HDX: variants seen among roughly 807,000 people sequenced by gnomAD.
The protein encoded by HDX is highly divergent homeobox.
A neutral mutation model predicts 45.2 loss-of-function variants in HDX; 19 were observed. The ratio of observed to expected loss-of-function variants is 0.42; its 90% CI spans 0.29 to 0.62. HDX has a LOEUF of 0.62. HDX is among the 20% of genes least tolerant of loss of function. The probability of loss-of-function intolerance (pLI) is 0.20; values close to 1 mark genes in which losing one functional copy is unlikely to be tolerated. For synonymous variants in HDX, 188 were observed against 172.8 expected, an observed-to-expected ratio of 1.09 and a Z score of -0.69; for missense variants, 532 against 493.9, an observed-to-expected ratio of 1.08 and a Z score of -0.73.
chrX:84,436,283 TG>T (rs1329803255), intron 5 of HDX, among the ~76,000 whole-genome samples: 2 of 46,499 alleles, frequency 4.3e-5, no homozygotes, highest in African/African-American at 1.9e-4. Flanking sequence ...TGTGGTGGGG[TG>T]GGGGGAGGGG....
In HDX at chrX:84,468,778, C is replaced by T; in HGVS notation, c.945G>A (p.Ser315=). Residue 315 remains serine, a synonymous_variant, in exon 4 of 11, where the codon TCG becomes TCA. Transcript: ENST00000373177. ...AATAGCTTGGTATCTGTGCTCTCAT[C>T]GATGCCAGCTCTTCCTCTCTGGCAT... The part of the protein sequence containing the change: ...DEYAREEELA[S]MRAQIPSYSR... 1 of 1,210,490 alleles carries T rather than the reference C, an allele frequency of 8.3e-7. No homozygotes were observed. Among genetic ancestry groups the T allele is most frequent in the Non-Finnish European group, 1.1e-6 (1 of 894,386 alleles).
At chrX:84,449,213 A>G (rs1158848042) in intron 4 of HDX, among the ~76,000 whole-genome samples, 1 of 111,169 alleles carries the variant, frequency 9.0e-6, no homozygotes, top group East Asian at 2.8e-4. Flanking sequence ...AGAAGGCAAA[A>G]AAAGAAAAAA....
intron 4 of HDX, among the ~76,000 whole-genome samples, chrX:84,442,419 A>C (rs1424655184): frequency 1.8e-5 from 2 of 110,938 alleles, no homozygotes. Context: ...AAATGCAAGG[A>C]ATAAGCTAAA....
chrX:84,410,966 A>C (rs2038969366), intron 5 of HDX, among the ~76,000 whole-genome samples: 2 of 110,437 alleles, frequency 1.8e-5, no homozygotes, highest in African/African-American at 6.5e-5. Flanking sequence ...AGGTGTTCAT[A>C]ATAGTCTCTG....
chrX:84,364,993 G>GT (rs1006349790), intron 5 of HDX, among the ~76,000 whole-genome samples: 2 of 110,578 alleles, frequency 1.8e-5, no homozygotes, highest in African/African-American at 6.6e-5. Flanking sequence ...CATTTTCTCT[G>GT]TTTTTTTATC....
chrX:84,413,043 C>T (rs2039023513), intron 5 of HDX, among the ~76,000 whole-genome samples: 1 of 111,453 alleles, frequency 9.0e-6, no homozygotes, highest in African/African-American at 3.3e-5. Flanking sequence ...CTTTCTGCTC[C>T]AGTGTCATTT....
At chrX:84,354,691 T>C (rs769686413) in intron 6 of HDX, among the ~76,000 whole-genome samples, 25 of 109,197 alleles carry the variant, frequency 2.3e-4, no homozygotes, top group Non-Finnish European at 4.0e-4. Flanking sequence ...AATCATCACA[T>C]AGTGTTGTAA....
At chrX:84,431,147 G>T (rs764916852) in intron 5 of HDX, among the ~76,000 whole-genome samples, 3 of 110,218 alleles carry the variant, frequency 2.7e-5, no homozygotes, top group Non-Finnish European at 5.7e-5. Flanking sequence ...GTGTTAGTTC[G>T]CTTAGGGTAA....
At position 84,497,038 on chromosome X, in the gene HDX, G is replaced by C. The variant is rs780505212; in HGVS notation, c.-110+5304C>G. On this transcript the variant is annotated intron_variant, in intron 1 of 10. Transcript: ENST00000373177. Reference sequence around the variant, plus strand: ...TGATCATGAGTGAAATGGTGTAAAAGTGTTTGGCAGTTCCCACCTCGCTCT... The same window carrying C: ...TGATCATGAGTGAAATGGTGTAAAACTGTTTGGCAGTTCCCACCTCGCTCT... 2.7e-5 allele frequency among the ~76,000 whole-genome samples: 3 copies of C among 111,410 alleles called. No homozygotes were observed. The Admixed American group carries it at 2.9e-4, about 11-fold the overall frequency.
At chrX:84,366,907 C>T (rs2037770536) in intron 5 of HDX, among the ~76,000 whole-genome samples, 1 of 111,896 alleles carries the variant, frequency 8.9e-6, no homozygotes, top group African/African-American at 3.3e-5. Flanking sequence ...CAGAAGAAAA[C>T]CTAGGCAATA....
intron 6 of HDX, among the ~76,000 whole-genome samples, chrX:84,356,987 T>C: frequency 9.0e-6 from 1 of 111,298 alleles, no homozygotes. Context: ...CCGTGTCTCC[T>C]CTCTTGCAGT....
chrX:84,330,937 TATC>T (rs780865812), intron 9 of HDX, among the ~76,000 whole-genome samples: 1 of 112,113 alleles, frequency 8.9e-6, no homozygotes, highest in African/African-American at 3.2e-5. Context: ...GAGGAACTAG[TATC>T]ATAACATCAG....
chrX:84,412,000 T>C (rs1035896979), intron 5 of HDX, among the ~76,000 whole-genome samples: 4 of 111,636 alleles, frequency 3.6e-5, no homozygotes, highest in African/African-American at 1.3e-4. Flanking sequence ...CTTTTTTCTG[T>C]TTTCCATTTG....
Position 84,319,602 on chromosome X carries a change from G to T in HDX, c.*2287C>A, listed in dbSNP as rs2036560677. On this transcript the variant is annotated 3_prime_UTR_variant, in exon 11 of 11. Transcript: ENST00000373177. The stretch of plus-strand genomic sequence containing the variant: ...TTTCAAGACAAAAGGAGTTCTAAAT[G>T]TATTGTTATGATTTATATAGTTTCT... 3 of 111,066 alleles carry T rather than the reference G, an allele frequency of 2.7e-5. No individual in the cohort carries two copies. Among genetic ancestry groups the T allele is most frequent in the Non-Finnish European group, 5.7e-5 (3 of 52,519 alleles). 9.2% of individuals were successfully genotyped at this position (111,066 alleles called of 1,213,427 possible). A position where few individuals can be genotyped will look rare whatever the true frequency, so the allele number is the denominator to read the frequency against.
intron 5 of HDX, among the ~76,000 whole-genome samples, chrX:84,368,637 C>T (rs1312064277): frequency 9.0e-6 from 1 of 111,528 alleles, no homozygotes; most frequent in African/African-American, 3.3e-5. Flanking sequence ...TAACATTTGC[C>T]ATTATAAACC....
chrX:84,433,679 G>A (rs1314659455), intron 5 of HDX, among the ~76,000 whole-genome samples: 1 of 110,575 alleles, frequency 9.0e-6, no homozygotes, highest in Non-Finnish European at 1.9e-5. Context: ...GCTCTTCCTT[G>A]GTTCCATATA....
At chrX:84,341,714 TG>T (rs1275097605) in intron 7 of HDX, among the ~76,000 whole-genome samples, 91 of 105,688 alleles carry the variant, frequency 8.6e-4, no homozygotes, top group African/African-American at 3.2e-3. Flanking sequence ...TCTCCTTATT[TG>T]TTTTTTTTTT....
At chrX:84,467,566 C>A (rs1188442672) in intron 4 of HDX, among the ~76,000 whole-genome samples, 2 of 105,290 alleles carry the variant, frequency 1.9e-5, no homozygotes, top group Non-Finnish European at 3.9e-5. Flanking sequence ...GCGGAGGTTG[C>A]AGTGAGCCAA....
chrX:84,440,287 G>A (rs2039732288), intron 5 of HDX: 2 of 268,606 alleles, frequency 7.4e-6, no homozygotes, highest in African/African-American at 5.7e-5. Flanking sequence ...AATTATTTTG[G>A]AGTCACTTTT....
Sources: gnomAD v4.1 joint callset for allele counts (sites outside exome capture counted in the v4.1 genomes callset) on GRCh38, gnomAD v4.1.1 for gene constraint, MANE v1.5 for transcripts, NCBI Gene and HGNC (gene_info 2026-07-23, HGNC 2026-07-21) for gene names.